The following CRY2 variants were observed in gnomAD, a reference collection of about 807,000 sequenced individuals.
The protein encoded by CRY2 is cryptochrome circadian regulator 2.
In CRY2, 31 loss-of-function variants were observed where a neutral mutation model predicts 69.5. The observed-to-expected ratio is 0.45, with a 90% CI of 0.34 to 0.60. The LOEUF (loss-of-function observed/expected upper bound fraction) is 0.60. Among genes scored for constraint, CRY2 ranks in the 20% least tolerant of loss-of-function variants. CRY2 has a pLI of 0.02. For synonymous variants in CRY2, 303 were observed against 312.2 expected (o/e 0.97, Z 0.31); for missense variants, 606 against 797.8 (o/e 0.76, Z 2.90).
Position 45,883,166 on chromosome 11 carries a change from C to T in CRY2, c.*2255C>T. On this transcript the variant is annotated 3_prime_UTR_variant, in exon 12 of 12. Transcript: ENST00000616080. ...GCAAAATGCACTTTATAGAGATTTT[C>T]TATTGCTGGGAAGGTGTGTTTCTCC... 6.2e-6 allele frequency: 1 copy of T among 160,184 alleles called. No homozygotes were observed. Among genetic ancestry groups the T allele is most frequent in the East Asian group, 1.8e-4 (1 of 5,596 alleles). The allele number at this position is 160,184 out of a possible 1,614,324, so 9.9% of individuals were successfully genotyped here.
chr11:45,852,537 G>A (rs1247127710), intron 1 of CRY2, among the ~76,000 whole-genome samples: 2 of 152,198 alleles, frequency 1.3e-5, no homozygotes, highest in Non-Finnish European at 2.9e-5. Flanking sequence ...GCTGCCTGGA[G>A]TCTGGAGATA....
At chr11:45,854,607 T>C (rs767395427) in intron 1 of CRY2, among the ~76,000 whole-genome samples, 3 of 152,200 alleles carry the variant, frequency 2.0e-5, no homozygotes, top group Non-Finnish European at 4.4e-5. Context: ...GAGAATCGCT[T>C]GAACCTGGGT....
chr11:45,878,039 A>G (rs931088420), intron 11 of CRY2, among the ~76,000 whole-genome samples: 3 of 152,180 alleles, frequency 2.0e-5, no homozygotes, highest in African/African-American at 7.2e-5. Flanking sequence ...AAGTCAACAT[A>G]TGTCTGAATT....
intron 1 of CRY2, among the ~76,000 whole-genome samples, chr11:45,848,759 G>T (rs2086172133): frequency 6.6e-6 from 1 of 152,182 alleles, no homozygotes; most frequent in Admixed American, 6.5e-5. Context: ...TCGATGGACA[G>T]GGTTATTTCC....
rs757332356 is a variant in CRY2, at chr11:45,870,046, T to A, written c.1195-7T>A. 1.3e-6 allele frequency: 2 copies of A among 1,590,810 alleles called. No individual in the cohort carries two copies. Among genetic ancestry groups the A allele is most frequent in the Admixed American group, 1.7e-5 (1 of 58,124 alleles). On this transcript the variant is annotated splice_polypyrimidine_tract_variant and splice_region_variant and intron_variant, in intron 7 of 11. Coordinates refer to ENST00000616080, the MANE Select transcript of CRY2 (RefSeq NM_021117.5). ...CAAGGAGGCTGATCATCCCCTCCCC[T>A]ATCTAGGTATTTGATGAGCTGCTCC...
In CRY2 at chr11:45,856,701, CAGG is replaced by C. The variant is rs2086242123; in HGVS notation, c.324+614_324+616del. On this transcript the variant is annotated intron_variant, in intron 2 of 11. Transcript: ENST00000616080. ...GTCCCAGCTACTCGAGAGGCTGAGG[CAGG>C]AGAATGGTGTGAACCCGGGAGGCGG... 2.0e-5 allele frequency among the ~76,000 whole-genome samples: 3 copies of C among 151,198 alleles called. No homozygotes were observed. The South Asian group carries it at 6.2e-4, about 31-fold the overall frequency.
chr11:45,879,899 A>G (rs147933113), intron 11 of CRY2, among the ~76,000 whole-genome samples: 101 of 152,216 alleles, frequency 6.6e-4, no homozygotes, highest in African/African-American at 2.1e-3. Context: ...TCTTCTCCCT[A>G]TGTCTTCACA....
intron 11 of CRY2, among the ~76,000 whole-genome samples, chr11:45,880,091 G>C (rs1317670041): frequency 6.6e-6 from 1 of 152,170 alleles, no homozygotes; most frequent in East Asian, 1.9e-4. Flanking sequence ...AGAATTTTGT[G>C]GGGGACAGAA....
chr11:45,867,417 C>G, intron 5 of CRY2, 195 bp from the exon 6 acceptor site: 1 of 605,774 alleles, frequency 1.7e-6, no homozygotes, highest in Non-Finnish European at 2.8e-6. Context: ...AAGAGCAAGT[C>G]AGAGAATGAC....
At chr11:45,851,900 G>T (rs942817701) in intron 1 of CRY2, among the ~76,000 whole-genome samples, 4 of 152,128 alleles carry the variant, frequency 2.6e-5, no homozygotes, top group African/African-American at 9.7e-5. Flanking sequence ...GGACCCAAAA[G>T]AATTCACTGT....
intron 3 of CRY2, among the ~76,000 whole-genome samples, chr11:45,860,253 T>TTAG (rs910583942): frequency 1.3e-4 from 20 of 152,268 alleles, no homozygotes; most frequent in African/African-American, 3.6e-4. Context: ...CTATGAACTC[T>TTAG]AGCTCCAGTC....
intron 5 of CRY2, among the ~76,000 whole-genome samples, chr11:45,866,532 AG>A (rs2086332052): frequency 6.6e-6 from 1 of 152,210 alleles, no homozygotes; most frequent in Admixed American, 6.5e-5. Flanking sequence ...CCAAAATACA[AG>A]GTCAGAAAGT....
At position 45,870,894 on chromosome 11, in the gene CRY2, A is replaced by G; in HGVS notation, c.1602A>G (p.Ala534=). ...SCVEDLSHPV[A]EPSSSQAGSM... Reference sequence around the variant, plus strand: ...TGGAAGACCTCAGTCACCCTGTGGCAGAGCCCAGCTCGAGCCAGGCTGGCA... The same window carrying G: ...TGGAAGACCTCAGTCACCCTGTGGCGGAGCCCAGCTCGAGCCAGGCTGGCA... The change falls in exon 10 of 12, where the codon GCA becomes GCG. Residue 534 remains alanine, a synonymous_variant. Coordinates refer to ENST00000616080, the MANE Select transcript of CRY2 (RefSeq NM_021117.5). 1 of 1,613,234 alleles carries G rather than the reference A, an allele frequency of 6.2e-7. No homozygotes were observed. The highest frequency in any genetic ancestry group is 8.5e-7 in the Non-Finnish European group (1 of 1,180,018).
intron 10 of CRY2, 93 bp downstream of exon 10, chr11:45,871,027 G>C: frequency 4.7e-6 from 5 of 1,059,158 alleles, no homozygotes; most frequent in South Asian, 1.4e-5. Context: ...GCCTTGCCCA[G>C]TGGAGCTTAT....
intron 1 of CRY2, among the ~76,000 whole-genome samples, chr11:45,847,996 A>G (rs931225994): frequency 6.6e-6 from 1 of 152,126 alleles, no homozygotes; most frequent in African/African-American, 2.4e-5. Flanking sequence ...CCCAAAGTCG[A>G]CCTGCCCAAG....
Position 45,856,110 on chromosome 11 carries a change from G to A in CRY2, c.324+20G>A. 6.3e-7 allele frequency: 1 copy of A among 1,579,116 alleles called. No individual in the cohort carries two copies. Among genetic ancestry groups the A allele is most frequent in the South Asian group, 1.1e-5 (1 of 90,306 alleles). The stretch of plus-strand genomic sequence containing the variant: ...TTCAAGGTAAGCGTGCAGAGCCCCA[G>A]AGAAGACAGTGAGATTCTGTCCCTG... On this transcript the variant is annotated intron_variant, in intron 2 of 11. Coordinates refer to ENST00000616080, the MANE Select transcript of CRY2 (RefSeq NM_021117.5).
chr11:45,865,284 G>A (rs2086322084), intron 5 of CRY2, among the ~76,000 whole-genome samples: 1 of 152,146 alleles, frequency 6.6e-6, no homozygotes, highest in Non-Finnish European at 1.5e-5. Flanking sequence ...GGGCAGGAGG[G>A]AACTATTCCT....
intron 5 of CRY2, among the ~76,000 whole-genome samples, chr11:45,864,874 A>G (rs934403186): frequency 4.6e-5 from 7 of 152,146 alleles, no homozygotes; most frequent in African/African-American, 1.7e-4. Context: ...TCTCAAAAAA[A>G]AAAGAAAACT....
At chr11:45,878,411 A>G (rs12281674) in intron 11 of CRY2, among the ~76,000 whole-genome samples, 11,458 of 152,264 alleles carry the variant, frequency 0.075, 821 homozygotes, top group African/African-American at 0.18. Context: ...ATATCCTGCA[A>G]TCCTGAAAGT....
Sources: allele counts gnomAD v4.1 joint callset (sites outside exome capture counted in the v4.1 genomes callset), GRCh38; gene constraint gnomAD v4.1.1; transcripts MANE v1.5; gene names NCBI Gene and HGNC (gene_info 2026-07-23, HGNC 2026-07-21).